The following PITPNC1 variants were observed in gnomAD, a reference collection of about 807,000 sequenced individuals.
PITPNC1 encodes cytoplasmic phosphatidylinositol transfer protein 1.
Under a neutral mutation model 44.7 loss-of-function variants are expected in PITPNC1, and 18 were observed. The observed-to-expected ratio is 0.40, with a 90% CI of 0.28 to 0.60. The LOEUF is 0.60. Among genes scored for constraint, PITPNC1 ranks in the 20% least tolerant of loss-of-function variants. PITPNC1 has a pLI of 0.39. For synonymous variants in PITPNC1, 141 were observed against 149.6 expected (o/e 0.94, Z 0.42); for missense variants, 290 against 418.4 (o/e 0.69, Z 2.68).
intron 1 of PITPNC1, among the ~76,000 whole-genome samples, chr17:67,516,498 G>A (rs2949929): frequency 0.18 from 27,916 of 152,188 alleles, 3,215 homozygotes; most frequent in East Asian, 0.33. Context: ...CCAGGGCTCT[G>A]TATGGCAGCT....
intron 1 of PITPNC1, among the ~76,000 whole-genome samples, chr17:67,442,690 A>C (rs569763851): frequency 1.3e-5 from 2 of 150,258 alleles, no homozygotes; most frequent in African/African-American, 4.9e-5. Flanking sequence ...CAAAAATACA[A>C]AAATATATAT....
chr17:67,600,241 G>T (rs946138101), intron 5 of PITPNC1, among the ~76,000 whole-genome samples: 4 of 152,088 alleles, frequency 2.6e-5, no homozygotes, highest in African/African-American at 9.7e-5. Flanking sequence ...GAGTCAGGGA[G>T]TGGAGGTGGA....
intron 2 of PITPNC1, among the ~76,000 whole-genome samples, chr17:67,547,441 A>C (rs1410163396): frequency 1.3e-5 from 2 of 152,200 alleles, no homozygotes; most frequent in East Asian, 3.9e-4. Flanking sequence ...ACTTAAGCCC[A>C]GGAAGTCAAG....
At chr17:67,593,701 T>C (rs999577792) in intron 5 of PITPNC1, among the ~76,000 whole-genome samples, 2 of 152,148 alleles carry the variant, frequency 1.3e-5, no homozygotes, top group African/African-American at 4.8e-5. Context: ...TTTTATATGA[T>C]TTTTTATATT....
intron 8 of PITPNC1, among the ~76,000 whole-genome samples, chr17:67,690,804 T>C (rs2042912574): frequency 6.6e-6 from 1 of 152,040 alleles, no homozygotes; most frequent in East Asian, 1.9e-4. Context: ...GTAACAATAA[T>C]TAATAATAAC....
chr17:67,458,036 G>A (rs2039280491), intron 1 of PITPNC1, among the ~76,000 whole-genome samples: 1 of 152,108 alleles, frequency 6.6e-6, no homozygotes, highest in Non-Finnish European at 1.5e-5. Context: ...GCAGGAGGTA[G>A]GATCCTTTCA....
chr17:67,467,709 C>T (rs1038934463), intron 1 of PITPNC1, among the ~76,000 whole-genome samples: 4 of 152,168 alleles, frequency 2.6e-5, no homozygotes, highest in African/African-American at 7.2e-5. Context: ...AGCCACCTGC[C>T]AGCCACAACC....
At chr17:67,636,295 A>C (rs1402675801) in intron 6 of PITPNC1, among the ~76,000 whole-genome samples, 1 of 151,880 alleles carries the variant, frequency 6.6e-6, no homozygotes, top group Non-Finnish European at 1.5e-5. Context: ...AAAAAAAAAA[A>C]AAAAAAAAGC....
intron 1 of PITPNC1, among the ~76,000 whole-genome samples, chr17:67,530,285 G>C (rs1334040523): frequency 6.6e-6 from 1 of 151,746 alleles, no homozygotes; most frequent in Non-Finnish European, 1.5e-5. Context: ...TAGAGGTGGG[G>C]ATTCACCGTG....
intron 4 of PITPNC1, among the ~76,000 whole-genome samples, chr17:67,556,308 C>T (rs2040837918): frequency 6.6e-6 from 1 of 152,104 alleles, no homozygotes; most frequent in Non-Finnish European, 1.5e-5. Flanking sequence ...TATCATGGTG[C>T]TGGGGAGATA....
rs1280907513 is a variant in PITPNC1, at chr17:67,481,887, A to G, written c.49-50915A>G. Among the ~76,000 whole-genome samples, 8 of 152,226 alleles carry G rather than the reference A, an allele frequency of 5.3e-5. No individual in the cohort carries two copies. The South Asian group carries it at 1.7e-3, about 32-fold the overall frequency. ...TTCGAAGTAGTATATGCAAAAGGCC[A>G]GAGAGTGTTCAGATAAGTGCAGAGG... On this transcript the variant is annotated intron_variant, in intron 1 of 8. Coordinates refer to ENST00000581322, the MANE Select transcript of PITPNC1 (RefSeq NM_012417.4).
intron 1 of PITPNC1, among the ~76,000 whole-genome samples, chr17:67,473,098 G>A (rs536201969): frequency 5.9e-5 from 9 of 152,108 alleles, no homozygotes; most frequent in South Asian, 2.1e-4. Context: ...GGATGGTCGC[G>A]ATCTCCTGAC....
At chr17:67,587,312 C>G (rs1411920618) in intron 5 of PITPNC1, among the ~76,000 whole-genome samples, 2 of 151,228 alleles carry the variant, frequency 1.3e-5, no homozygotes, top group African/African-American at 4.9e-5. Context: ...CATGTTGAGA[C>G]CCCCATCTCT....
chr17:67,443,341 C>A (rs1598668989), intron 1 of PITPNC1, among the ~76,000 whole-genome samples: 1 of 151,994 alleles, frequency 6.6e-6, no homozygotes, highest in Non-Finnish European at 1.5e-5. Context: ...ACTGGCTGGG[C>A]AGACTTCTTA....
chr17:67,614,850 T>TAAA (rs771470770), intron 5 of PITPNC1, among the ~76,000 whole-genome samples: 1 of 143,200 alleles, frequency 7.0e-6, no homozygotes. Flanking sequence ...CCGTCTCTAC[T>TAAA]AAAAAAAAAA....
At chr17:67,518,977 G>C (rs1413188799) in intron 1 of PITPNC1, among the ~76,000 whole-genome samples, 1 of 152,078 alleles carries the variant, frequency 6.6e-6, no homozygotes, top group Non-Finnish European at 1.5e-5. Flanking sequence ...AGTGTTGGTG[G>C]AGATGTGGAG....
chr17:67,467,935 G>T (rs2039451826), intron 1 of PITPNC1, among the ~76,000 whole-genome samples: 1 of 152,210 alleles, frequency 6.6e-6, no homozygotes, highest in Non-Finnish European at 1.5e-5. Flanking sequence ...CGATGTAATT[G>T]CATGTCTTGT....
chr17:67,416,035 C>T (rs887316639), intron 1 of PITPNC1, among the ~76,000 whole-genome samples: 13 of 151,916 alleles, frequency 8.6e-5, no homozygotes, highest in African/African-American at 2.7e-4. Flanking sequence ...ATGGCACTAC[C>T]GCCGTTATGT....
chr17:67,500,479 C>A (rs1466254829), intron 1 of PITPNC1, among the ~76,000 whole-genome samples: 1 of 151,990 alleles, frequency 6.6e-6, no homozygotes, highest in Admixed American at 6.6e-5. Flanking sequence ...TTGCCAGGGG[C>A]CTCGAGGAAT....
Sources: allele counts gnomAD v4.1 joint callset (sites outside exome capture counted in the v4.1 genomes callset), GRCh38; gene constraint gnomAD v4.1.1; transcripts MANE v1.5; gene names NCBI Gene and HGNC (gene_info 2026-07-23, HGNC 2026-07-21).